ST6GALNAC3: variants seen among roughly 807,000 people sequenced by gnomAD.
The protein encoded by ST6GALNAC3 is alpha-N-acetylgalactosaminide alpha-2,6-sialyltransferase 3.
Under a neutral mutation model 32.7 loss-of-function variants are expected in ST6GALNAC3, and 25 were observed. That is an observed-to-expected ratio of 0.76 (90% CI 0.56 to 1.07). The LOEUF is 1.07. Among genes scored for constraint, ST6GALNAC3 ranks in the 50% least tolerant of loss-of-function variants. ST6GALNAC3 has a pLI of 0.00. For synonymous variants in ST6GALNAC3, 129 were observed against 133.1 expected, an observed-to-expected ratio of 0.97 and a Z score of 0.21; for missense variants, 355 against 382.4, an observed-to-expected ratio of 0.93 and a Z score of 0.60.
At chr1:76,605,768 G>A (rs1477746472) in intron 3 of ST6GALNAC3, among the ~76,000 whole-genome samples, 2 of 148,232 alleles carry the variant, frequency 1.3e-5, no homozygotes, top group Non-Finnish European at 3.0e-5. Context: ...AGGAGGCTGA[G>A]GCAGGAGAAT....
intron 3 of ST6GALNAC3, among the ~76,000 whole-genome samples, chr1:76,615,599 A>G (rs1370582128): frequency 6.6e-6 from 1 of 152,206 alleles, no homozygotes; most frequent in African/African-American, 2.4e-5. Flanking sequence ...TCTCATTTTT[A>G]TAGCTGGGCA....
intron 1 of ST6GALNAC3, among the ~76,000 whole-genome samples, chr1:76,310,656 G>A (rs1646745368): frequency 1.3e-5 from 2 of 152,156 alleles, no homozygotes; most frequent in African/African-American, 4.8e-5. Context: ...AGTCTGCGAA[G>A]AGCAAAAAGA....
chr1:76,211,287 C>A (rs1655143079), intron 1 of ST6GALNAC3, among the ~76,000 whole-genome samples: 1 of 152,150 alleles, frequency 6.6e-6, no homozygotes, highest in Non-Finnish European at 1.5e-5. Context: ...CAGGAAACAA[C>A]AGGTGCTGGA....
intron 2 of ST6GALNAC3, among the ~76,000 whole-genome samples, chr1:76,340,738 C>T (rs1212461056): frequency 4.6e-5 from 7 of 151,798 alleles, no homozygotes; most frequent in Non-Finnish European, 4.4e-5. Flanking sequence ...TAGGACTTCC[C>T]CTGGAAGCTG....
intron 3 of ST6GALNAC3, among the ~76,000 whole-genome samples, chr1:76,468,436 C>T (rs571590755): frequency 6.6e-5 from 10 of 152,002 alleles, no homozygotes; most frequent in Admixed American, 2.0e-4. Flanking sequence ...ATCCTGAAAA[C>T]GAGAATGCTG....
At chr1:76,126,440 C>G (rs28667832) in intron 1 of ST6GALNAC3, among the ~76,000 whole-genome samples, 272 of 147,464 alleles carry the variant, frequency 1.8e-3, no homozygotes, top group Non-Finnish European at 3.1e-3. Context: ...TCCTTCCTTC[C>G]TTCCTTCCTT....
At chr1:76,271,103 C>T (rs1658819978) in intron 1 of ST6GALNAC3, among the ~76,000 whole-genome samples, 1 of 152,134 alleles carries the variant, frequency 6.6e-6, no homozygotes, top group Admixed American at 6.5e-5. Context: ...ATATTGATTC[C>T]TTACTTGATG....
chr1:76,375,344 G>A (rs1051363143), intron 2 of ST6GALNAC3, among the ~76,000 whole-genome samples: 18 of 152,164 alleles, frequency 1.2e-4, no homozygotes, highest in Admixed American at 1.3e-4. Context: ...GAATAAAGAA[G>A]AGAAGGTGTT....
intron 3 of ST6GALNAC3, among the ~76,000 whole-genome samples, chr1:76,426,232 C>T (rs1420162522): frequency 3.3e-5 from 5 of 151,726 alleles, no homozygotes; most frequent in Admixed American, 2.6e-4. Flanking sequence ...TTCTGTCTTC[C>T]CTTATTAGAC....
At chr1:76,202,062 G>A (rs17098336) in intron 1 of ST6GALNAC3, among the ~76,000 whole-genome samples, 12,762 of 152,082 alleles carry the variant, frequency 0.084, 591 homozygotes, top group African/African-American at 0.12. Flanking sequence ...GATGTCAGAG[G>A]TACCCTGAAG....
chr1:76,208,823 A>G (rs566177657), intron 1 of ST6GALNAC3, among the ~76,000 whole-genome samples: 3 of 152,194 alleles, frequency 2.0e-5, no homozygotes, highest in Admixed American at 2.0e-4. Flanking sequence ...CTCCTATTGG[A>G]TTTACCTGGA....
chr1:76,183,623 C>A (rs2100471291), intron 1 of ST6GALNAC3, among the ~76,000 whole-genome samples: 2 of 151,802 alleles, frequency 1.3e-5, no homozygotes, highest in Middle Eastern at 3.5e-3. Flanking sequence ...GGTAGTAGAG[C>A]CTACTACATC....
At chr1:76,439,418 C>T (rs35702182) in intron 3 of ST6GALNAC3, among the ~76,000 whole-genome samples, 69,120 of 151,994 alleles carry the variant, frequency 0.45, 16,031 homozygotes, top group African/African-American at 0.53. Context: ...TTAAAAAGGT[C>T]CGGGGCTTTG....
intron 3 of ST6GALNAC3, among the ~76,000 whole-genome samples, chr1:76,603,650 A>T (rs1343379783): frequency 6.6e-6 from 1 of 152,170 alleles, no homozygotes; most frequent in Admixed American, 6.6e-5. Context: ...TGAATGGACA[A>T]TGCTCTGTCT....
At chr1:76,386,963 A>G (rs1329021805) in intron 2 of ST6GALNAC3, among the ~76,000 whole-genome samples, 1 of 152,070 alleles carries the variant, frequency 6.6e-6, no homozygotes, top group African/African-American at 2.4e-5. Context: ...ACTGGGACTC[A>G]TTTTACCCTT....
At chr1:76,506,536 C>T (rs1241722743) in intron 3 of ST6GALNAC3, among the ~76,000 whole-genome samples, 1 of 152,210 alleles carries the variant, frequency 6.6e-6, no homozygotes, top group Non-Finnish European at 1.5e-5. Flanking sequence ...TTTCCCAACC[C>T]ATTTCTCAAA....
intron 3 of ST6GALNAC3, among the ~76,000 whole-genome samples, chr1:76,437,087 G>A (rs1020162094): frequency 1.3e-5 from 2 of 152,092 alleles, no homozygotes; most frequent in South Asian, 2.1e-4. Context: ...AATAGTAAGC[G>A]TGACTCCCCT....
intron 1 of ST6GALNAC3, among the ~76,000 whole-genome samples, chr1:76,093,226 A>G (rs776066424): frequency 6.6e-6 from 1 of 152,246 alleles, no homozygotes; most frequent in Non-Finnish European, 1.5e-5. Flanking sequence ...AGGAAAGGAA[A>G]GAATACATAT....
At chr1:76,259,965 T>C (rs996004727) in intron 1 of ST6GALNAC3, among the ~76,000 whole-genome samples, 1 of 152,122 alleles carries the variant, frequency 6.6e-6, no homozygotes, top group African/African-American at 2.4e-5. Context: ...CTTTTCCATC[T>C]CTCTTGCTTT....
Sources: allele counts gnomAD v4.1 joint callset (sites outside exome capture counted in the v4.1 genomes callset), GRCh38; gene constraint gnomAD v4.1.1; transcripts MANE v1.5; gene names NCBI Gene and HGNC (gene_info 2026-07-23, HGNC 2026-07-21).